PTPRN2: variants seen among roughly 807,000 people sequenced by gnomAD.
PTPRN2 encodes receptor-type tyrosine-protein phosphatase N2.
PTPRN2 carries 74 observed loss-of-function variants against 118.8 expected under a neutral mutation model. That is an observed-to-expected ratio of 0.62 (90% CI 0.52 to 0.76). PTPRN2 has a LOEUF of 0.76. Ranked by LOEUF, PTPRN2 falls within the 30% of genes least tolerant of loss-of-function variation. The probability of loss-of-function intolerance (pLI) is 0.00; values close to 1 mark genes in which losing one functional copy is unlikely to be tolerated. For missense variants in PTPRN2, 1,481 were observed against 1,394.4 expected, an observed-to-expected ratio of 1.06 and a Z score of -0.99; for synonymous variants, 641 against 608.0, an observed-to-expected ratio of 1.05 and a Z score of -0.80.
At chr7:158,427,320 T>A (rs369215633) in intron 2 of PTPRN2, among the ~76,000 whole-genome samples, 1 of 726 alleles carries the variant, frequency 1.4e-3, no homozygotes, top group East Asian at 0.019. Context: ...GGGGTCCGAG[T>A]CCAGCCTAGC....
rs940488362 is a variant in PTPRN2, at chr7:157,587,186, A to G, written c.2496+8052T>C. Among the ~76,000 whole-genome samples, 2 of 148,734 alleles carry G rather than the reference A, an allele frequency of 1.3e-5. No individual in the cohort carries two copies. The highest frequency in any genetic ancestry group is 4.3e-4 in the East Asian group (2 of 4,668). On this transcript the variant is annotated intron_variant, in intron 17 of 22. Coordinates refer to ENST00000389418, the MANE Select transcript of PTPRN2 (RefSeq NM_002847.5). The surrounding 1 kb of genome is among the most constrained non-coding windows in gnomAD (Gnocchi z 5.3). Reference sequence around the variant, plus strand: ...AGGCAGACAGACAAGACAGGCAGATAGAGACAAGACAGGCAGGCAGACAGA... The same window carrying G: ...AGGCAGACAGACAAGACAGGCAGATGGAGACAAGACAGGCAGGCAGACAGA...
chr7:158,344,800 C>A (rs1036918347), intron 2 of PTPRN2, among the ~76,000 whole-genome samples: 1 of 152,158 alleles, frequency 6.6e-6, no homozygotes, highest in African/African-American at 2.4e-5. Context: ...AGGAGAGGGG[C>A]CCAGGGGACC....
intron 11 of PTPRN2, among the ~76,000 whole-genome samples, chr7:158,050,626 C>T (rs774576236): frequency 3.3e-5 from 5 of 152,188 alleles, no homozygotes; most frequent in African/African-American, 1.2e-4. Flanking sequence ...GAGCACAGCT[C>T]GGGCCCCGCT....
chr7:157,953,138 G>A lies in PTPRN2; in HGVS notation c.1724-54401C>T, dbSNP rs1453242733. 3.3e-5 allele frequency among the ~76,000 whole-genome samples: 5 copies of A among 152,218 alleles called. No individual in the cohort carries two copies. The highest frequency in any genetic ancestry group is 1.3e-4 in the Admixed American group (2 of 15,288). On this transcript the variant is annotated intron_variant, in intron 11 of 22. Transcript: ENST00000389418. The surrounding 1 kb of genome is among the most constrained non-coding windows in gnomAD (Gnocchi z 4.6). The stretch of plus-strand genomic sequence containing the variant: ...CCCTCTGGCTCGAGAAGTCCTCAGC[G>A]ACATCTGGGGGTCCTGTGCATGCAC...
At chr7:158,171,282 TATATATACACACATATATATACACAC>T (rs1823620152) in intron 5 of PTPRN2, among the ~76,000 whole-genome samples, 8 of 19,286 alleles carry the variant, frequency 4.1e-4, no homozygotes, top group Admixed American at 8.9e-4. Context: ...TATACACACA[TATATATACACACATATATATACACAC>T]ATATATATAT....
chr7:158,528,767 C>T (rs1824987909), intron 1 of PTPRN2, among the ~76,000 whole-genome samples: 1 of 151,378 alleles, frequency 6.6e-6, no homozygotes, highest in Admixed American at 6.6e-5. Context: ...GCACTGCACT[C>T]CAGCCTGGGC....
At chr7:158,124,380 A>G (rs946012793) in intron 9 of PTPRN2, among the ~76,000 whole-genome samples, 4 of 152,226 alleles carry the variant, frequency 2.6e-5, no homozygotes, top group African/African-American at 9.6e-5. Context: ...GTTAGTGGAC[A>G]ACTGCAGCAC....
intron 12 of PTPRN2, 22 bp downstream of exon 12, chr7:157,898,651 C>T (rs764239079): frequency 3.2e-5 from 50 of 1,557,558 alleles, no homozygotes; most frequent in South Asian, 2.1e-4. Context: ...GCAGAGCAGA[C>T]GGCACCCCTT....
intron 11 of PTPRN2, among the ~76,000 whole-genome samples, chr7:157,999,401 G>A (rs1805046575): frequency 6.6e-6 from 1 of 152,156 alleles, no homozygotes; most frequent in African/African-American, 2.4e-5. Flanking sequence ...AGACGCTCTC[G>A]TTTTCACGTG....
chr7:158,277,619 C>T (rs1010754139), intron 3 of PTPRN2, among the ~76,000 whole-genome samples: 1 of 152,214 alleles, frequency 6.6e-6, no homozygotes, highest in Non-Finnish European at 1.5e-5. Context: ...GGCCTTGCCA[C>T]ACTGCTGCAC....
chr7:158,271,828 C>A (rs1798533260), intron 3 of PTPRN2, among the ~76,000 whole-genome samples: 1 of 152,136 alleles, frequency 6.6e-6, no homozygotes, highest in Non-Finnish European at 1.5e-5. Context: ...CGCATTAGCC[C>A]ATCCGTGAGG....
intron 12 of PTPRN2, among the ~76,000 whole-genome samples, chr7:157,844,542 G>T (rs1016600627): frequency 6.6e-6 from 1 of 152,184 alleles, no homozygotes. Context: ...AGGCTGACAC[G>T]GGGACAGGAG....
chr7:158,262,328 AC>A lies in PTPRN2; in HGVS notation c.277+54490del, dbSNP rs1586025324. On this transcript the variant is annotated intron_variant, in intron 3 of 22. Coordinates refer to ENST00000389418, the MANE Select transcript of PTPRN2 (RefSeq NM_002847.5). ...ATTCACACACTGCACACACATTCAC[AC>A]ACACTGCACACATATTCACACACAC... Among the ~76,000 whole-genome samples, 4 of 151,242 alleles carry A rather than the reference AC, an allele frequency of 2.6e-5. No individual in the cohort carries two copies. The East Asian group carries it at 7.8e-4, about 29-fold the overall frequency.
rs1563082655 is a variant in PTPRN2, at chr7:157,763,128, G to A, written c.1789-80191C>T. Reference sequence around the variant, plus strand: ...AGCCCACGGCCGCCCACTCATGGTCGGTCACAGGGTTAACCCTCCATCAGA... The same window carrying A: ...AGCCCACGGCCGCCCACTCATGGTCAGTCACAGGGTTAACCCTCCATCAGA... On this transcript the variant is annotated intron_variant, in intron 12 of 22. Transcript: ENST00000389418. The surrounding 1 kb of genome is among the most constrained non-coding windows in gnomAD (Gnocchi z 4.9). 1.5e-5 allele frequency among the ~76,000 whole-genome samples: 2 copies of A among 130,696 alleles called. No individual in the cohort carries two copies. The highest frequency in any genetic ancestry group is 2.0e-4 in the East Asian group (1 of 5,050). 85.7% of individuals were successfully genotyped at this position (130,696 alleles called of 152,430 possible).
chr7:158,264,376 A>T (rs1445769550), intron 3 of PTPRN2, among the ~76,000 whole-genome samples: 1 of 152,220 alleles, frequency 6.6e-6, no homozygotes, highest in African/African-American at 2.4e-5. Flanking sequence ...TTCCCAGGGC[A>T]GTTTGCTGAG....
intron 5 of PTPRN2, among the ~76,000 whole-genome samples, chr7:158,170,131 C>T (rs551740648): frequency 3.5e-4 from 53 of 152,286 alleles, no homozygotes; most frequent in East Asian, 1.9e-4. Flanking sequence ...AGAGCAAGAG[C>T]GTGAGAAAGA....
chr7:158,247,917 A>G (rs1796364773), intron 3 of PTPRN2, among the ~76,000 whole-genome samples: 1 of 152,078 alleles, frequency 6.6e-6, no homozygotes, highest in African/African-American at 2.4e-5. Flanking sequence ...CGCCCAGCCT[A>G]CCATCTGTGT....
chr7:157,671,794 C>A lies in PTPRN2; in HGVS notation c.2001+10931G>T, dbSNP rs771956504. On this transcript the variant is annotated intron_variant, in intron 13 of 22. Coordinates refer to ENST00000389418, the MANE Select transcript of PTPRN2 (RefSeq NM_002847.5). The surrounding 1 kb of genome is among the most constrained non-coding windows in gnomAD (Gnocchi z 4.1). ...CCTGAACTGCACAAGGCCTGAAGGACGCCCTGAAGAGCTTCTTCCTACCAG... is the reference window on the plus strand; with the variant it reads ...CCTGAACTGCACAAGGCCTGAAGGAAGCCCTGAAGAGCTTCTTCCTACCAG... Among the ~76,000 whole-genome samples, 1 of 152,120 alleles carries A rather than the reference C, an allele frequency of 6.6e-6. No homozygotes were observed. Among genetic ancestry groups the A allele is most frequent in the Non-Finnish European group, 1.5e-5 (1 of 68,020 alleles).
At chr7:157,923,531 T>G (rs1798807227) in intron 11 of PTPRN2, among the ~76,000 whole-genome samples, 1 of 152,212 alleles carries the variant, frequency 6.6e-6, no homozygotes, top group African/African-American at 2.4e-5. Flanking sequence ...CTGTGTCAGT[T>G]CCTTCAAAGA....
Sources: gnomAD v4.1 joint callset for allele counts (sites outside exome capture counted in the v4.1 genomes callset) on GRCh38, gnomAD v4.1.1 for gene constraint, Gnocchi (gnomAD v3.1) non-coding constraint, MANE v1.5 for transcripts, NCBI Gene and HGNC (gene_info 2026-07-23, HGNC 2026-07-21) for gene names.